Variants in FOXO3 observed in about 807,000 individuals in gnomAD.
FOXO3 encodes forkhead box protein O3.
In FOXO3, 4 loss-of-function variants were observed where a neutral mutation model predicts 41.9. The observed-to-expected ratio is 0.10, with a 90% confidence interval of 0.05 to 0.22. The LOEUF (loss-of-function observed/expected upper bound fraction) is 0.22, where lower values mean the gene tolerates loss of function less well. Among genes scored for constraint, FOXO3 ranks in the 10% least tolerant of loss-of-function variants. FOXO3 has a pLI of 1.00. For missense variants in FOXO3, 534 were observed against 906.8 expected, an observed-to-expected ratio of 0.59 and a Z score of 5.28; for synonymous variants, 318 against 389.3, an observed-to-expected ratio of 0.82 and a Z score of 2.16.
chr6:108,589,245 C>T (rs1009471563), intron 1 of FOXO3, among the ~76,000 whole-genome samples: 1 of 152,072 alleles, frequency 6.6e-6, no homozygotes, highest in African/African-American at 2.4e-5. Context: ...TTAAACTGGC[C>T]TTTATAATTT....
At chr6:108,586,507 C>T (rs973067337) in intron 1 of FOXO3, among the ~76,000 whole-genome samples, 2 of 152,128 alleles carry the variant, frequency 1.3e-5, no homozygotes, top group Admixed American at 1.3e-4. Flanking sequence ...ATTTTTTTGA[C>T]GTAACATGAG....
At chr6:108,621,517 G>A (rs1777662932) in intron 1 of FOXO3, among the ~76,000 whole-genome samples, 1 of 151,912 alleles carries the variant, frequency 6.6e-6, no homozygotes, top group South Asian at 2.1e-4. Flanking sequence ...AAAATTGTTG[G>A]GATGAGTCTT....
At chr6:108,578,357 C>T (rs1267310730) in intron 1 of FOXO3, among the ~76,000 whole-genome samples, 3 of 152,178 alleles carry the variant, frequency 2.0e-5, no homozygotes, top group South Asian at 2.1e-4. Flanking sequence ...AAAATCTTAA[C>T]GTCGCTTGCC....
Position 108,682,004 on chromosome 6 carries a change from AG to A in FOXO3, c.*2215del, listed in dbSNP as rs1414571467. 1 of 152,102 alleles carries A rather than the reference AG, an allele frequency of 6.6e-6. No individual in the cohort carries two copies. Among genetic ancestry groups the A allele is most frequent in the Non-Finnish European group, 1.5e-5 (1 of 68,032 alleles). The allele number at this position is 152,102 out of a possible 1,614,324, so 9.4% of individuals were successfully genotyped here. Reference sequence around the variant, plus strand: ...GCTAGAGTGGGGAGCGAGATGTAAAAGGGTGGGGGGATAGGAGAATTCCAGA... The same window carrying A: ...GCTAGAGTGGGGAGCGAGATGTAAAAGGTGGGGGGATAGGAGAATTCCAGA... On this transcript the variant is annotated 3_prime_UTR_variant, in exon 3 of 3. Transcript: ENST00000406360.
intron 1 of FOXO3, among the ~76,000 whole-genome samples, chr6:108,650,197 C>G (rs935877118): frequency 6.6e-6 from 1 of 152,126 alleles, no homozygotes; most frequent in Non-Finnish European, 1.5e-5. Context: ...CAGGAATGCC[C>G]TTAGAGTCAC....
In FOXO3 at chr6:108,569,987, G is replaced by GTTTTTTT. The variant is rs71015551; in HGVS notation, c.621+8182_621+8188dup. On this transcript the variant is annotated intron_variant, in intron 1 of 2. Transcript: ENST00000406360. ...TCCACATCATGTTTTCCCTTGCGTG[G>GTTTTTTT]TTTTTTTTTTTTTTTTTTTTTTTTT... Among the ~76,000 whole-genome samples, 673 of 73,214 alleles carry GTTTTTTT rather than the reference G, an allele frequency of 9.2e-3. 92 individuals carry two copies. The highest frequency in any genetic ancestry group is 0.015 in the East Asian group (38 of 2,490). The allele number at this position is 73,214 out of a possible 152,430, so 48.0% of individuals were successfully genotyped here. A position where few individuals can be genotyped will look rare whatever the true frequency, so the allele number is the denominator to read the frequency against.
intron 1 of FOXO3, among the ~76,000 whole-genome samples, chr6:108,635,662 A>G (rs1778101827): frequency 6.6e-6 from 1 of 152,190 alleles, no homozygotes; most frequent in Non-Finnish European, 1.5e-5. Flanking sequence ...ACATCCTGTC[A>G]TAGCATTGCA....
intron 1 of FOXO3, among the ~76,000 whole-genome samples, chr6:108,591,303 G>T (rs1191160078): frequency 6.6e-6 from 1 of 152,198 alleles, no homozygotes; most frequent in East Asian, 1.9e-4. Flanking sequence ...TTAGAACAGA[G>T]TTTCCCAAGT....
Position 108,656,137 on chromosome 6 carries a change from A to G in FOXO3, c.622-7318A>G, listed in dbSNP as rs572227955. Among the ~76,000 whole-genome samples, 10 of 149,980 alleles carry G rather than the reference A, an allele frequency of 6.7e-5. No individual in the cohort carries two copies. In the South Asian group the frequency reaches 2.1e-3, roughly 32 times the overall value. On this transcript the variant is annotated intron_variant, in intron 1 of 2. Coordinates refer to ENST00000406360, the MANE Select transcript of FOXO3 (RefSeq NM_001455.4). ...TCCCACCCCACCCCACCCCACCTCA[A>G]AAAAAAAAAGAGAGAGGAGGGGGTT...
chr6:108,587,236 A>C (rs933194533), intron 1 of FOXO3, among the ~76,000 whole-genome samples: 5 of 151,862 alleles, frequency 3.3e-5, no homozygotes, highest in African/African-American at 1.2e-4. Flanking sequence ...GTGAATATAA[A>C]CCCAGCCTGC....
intron 1 of FOXO3, among the ~76,000 whole-genome samples, chr6:108,657,931 C>T (rs1778735009): frequency 6.6e-6 from 1 of 152,174 alleles, no homozygotes; most frequent in Non-Finnish European, 1.5e-5. Context: ...GGTCCACTTA[C>T]ATAGAGCTCT....
At position 108,649,261 on chromosome 6, in the gene FOXO3, A is replaced by T. The variant is rs181640528; in HGVS notation, c.622-14194A>T. Among the ~76,000 whole-genome samples the T allele has an allele frequency of 9.2e-5, 14 of 152,240 alleles. No individual in the cohort carries two copies. In the East Asian group the frequency reaches 2.3e-3, roughly 25 times the overall value. The stretch of plus-strand genomic sequence containing the variant: ...ACCTTGAGCTTAGGGATCTTAAATC[A>T]TTTGTAATAGGCAGTAAGTATGTCT... On this transcript the variant is annotated intron_variant, in intron 1 of 2. Coordinates refer to ENST00000406360, the MANE Select transcript of FOXO3 (RefSeq NM_001455.4).
At chr6:108,615,638 G>T (rs1777477494) in intron 1 of FOXO3, among the ~76,000 whole-genome samples, 1 of 151,642 alleles carries the variant, frequency 6.6e-6, no homozygotes, top group Non-Finnish European at 1.5e-5. Flanking sequence ...TTAAAATCCA[G>T]CCATTATTTC....
At chr6:108,562,387 C>T (rs1328323557) in intron 1 of FOXO3, among the ~76,000 whole-genome samples, 1 of 152,140 alleles carries the variant, frequency 6.6e-6, no homozygotes, top group Non-Finnish European at 1.5e-5. Flanking sequence ...TTAGAAAAAG[C>T]AGTGGTTGCA....
intron 1 of FOXO3, among the ~76,000 whole-genome samples, chr6:108,572,421 T>G (rs1026047632): frequency 4.6e-5 from 7 of 152,220 alleles, no homozygotes; most frequent in African/African-American, 1.7e-4. Flanking sequence ...CTCACACACT[T>G]GGTCCTTCAG....
intron 1 of FOXO3, among the ~76,000 whole-genome samples, chr6:108,627,007 C>G (rs1474872587): frequency 6.6e-6 from 1 of 152,174 alleles, no homozygotes; most frequent in African/African-American, 2.4e-5. Context: ...CTTCTAAGGT[C>G]TCTCCTGAGT....
At chr6:108,658,372 A>C (rs557123531) in intron 1 of FOXO3, among the ~76,000 whole-genome samples, 8 of 152,268 alleles carry the variant, frequency 5.3e-5, no homozygotes, top group African/African-American at 1.9e-4. Flanking sequence ...GTAACTGGAA[A>C]AACCTGTCTG....
intron 1 of FOXO3, among the ~76,000 whole-genome samples, chr6:108,629,711 A>G (rs1034184744): frequency 2.0e-5 from 3 of 152,008 alleles, no homozygotes; most frequent in African/African-American, 7.3e-5. Flanking sequence ...TAAGAAAGGT[A>G]TCTACTTTGT....
At chr6:108,674,633 T>G (rs978249771) in intron 2 of FOXO3, among the ~76,000 whole-genome samples, 1 of 152,168 alleles carries the variant, frequency 6.6e-6, no homozygotes, top group Non-Finnish European at 1.5e-5. Flanking sequence ...AGGAGCCATC[T>G]GAACATGTAG....
Sources: allele counts gnomAD v4.1 joint callset (sites outside exome capture counted in the v4.1 genomes callset), GRCh38; gene constraint gnomAD v4.1.1; transcripts MANE v1.5; gene names NCBI Gene and HGNC (gene_info 2026-07-23, HGNC 2026-07-21).